Variants in NRP1 observed in about 807,000 individuals in gnomAD.
NRP1 encodes the protein neuropilin 1.
In NRP1, 35 loss-of-function variants were observed where a neutral mutation model predicts 106.7. That is an observed-to-expected ratio of 0.33 (90% CI 0.25 to 0.43). The LOEUF is 0.43. Among genes scored for constraint, NRP1 ranks in the 20% least tolerant of loss-of-function variants. The pLI, the probability that NRP1 is intolerant of heterozygous loss-of-function variation, is 1.00. For missense variants in NRP1, 1,024 were observed against 1,170.4 expected, an observed-to-expected ratio of 0.87 and a Z score of 1.83; for synonymous variants, 437 against 417.9, an observed-to-expected ratio of 1.05 and a Z score of -0.56.
chr10:33,329,637 C>G (rs538353711), intron 2 of NRP1, among the ~76,000 whole-genome samples: 2 of 152,340 alleles, frequency 1.3e-5, no homozygotes, highest in African/African-American at 4.8e-5. Context: ...GAAAACCTCT[C>G]AGTCCCTGAG....
At position 33,207,641 on chromosome 10, in the gene NRP1, T is replaced by A. The variant is rs1445076308; in HGVS notation, c.1690A>T (p.Ile564Phe). The change falls in exon 10 of 17, where the codon ATC becomes TTC. Residue 564 changes from isoleucine to phenylalanine, a missense_variant. Physicochemically the swap from Ile to Phe is conservative, Grantham distance 21. This residue lies in a region of NRP1 where 562 missense variants were observed against 620.3 expected (regional missense o/e 0.91). Coordinates refer to ENST00000374867, the MANE Select transcript of NRP1 (RefSeq NM_003873.7). ...CCATGAGTGGCTCTCTCGGGGTAGA[T>A]CCTGATGAATCGCGTGGAGAGAGCT... ...FPALSTRFIR[I>F]YPERATHGGL... The A allele has an allele frequency of 1.9e-6, 3 of 1,614,008 alleles. No homozygotes were observed. Among genetic ancestry groups the A allele is most frequent in the Admixed American group, 1.7e-5 (1 of 59,996 alleles).
At chr10:33,249,023 G>C (rs1348607540) in intron 6 of NRP1, among the ~76,000 whole-genome samples, 3 of 151,002 alleles carry the variant, frequency 2.0e-5, no homozygotes, top group African/African-American at 7.3e-5. Flanking sequence ...TGGTAATCCT[G>C]GTGCTATTTT....
intron 13 of NRP1, among the ~76,000 whole-genome samples, chr10:33,188,018 C>G (rs1016227941): frequency 1.3e-5 from 2 of 152,140 alleles, no homozygotes; most frequent in African/African-American, 2.4e-5. Context: ...CCCTCTCGCT[C>G]TCTGACCTTG....
chr10:33,195,594 T>C (rs1430372223), intron 12 of NRP1: 1 of 533,168 alleles, frequency 1.9e-6, no homozygotes. Context: ...ACAGTGTGGA[T>C]CAAAGTATCA....
At chr10:33,241,733 A>T (rs76288299) in intron 6 of NRP1, among the ~76,000 whole-genome samples, 1 of 151,496 alleles carries the variant, frequency 6.6e-6, no homozygotes, top group East Asian at 2.0e-4. Context: ...AAAAAAAAAA[A>T]GACATTCCTT....
At chr10:33,302,135 C>T (rs985857735) in intron 2 of NRP1, among the ~76,000 whole-genome samples, 5 of 152,194 alleles carry the variant, frequency 3.3e-5, no homozygotes, top group East Asian at 3.9e-4. Context: ...AATGTAACAA[C>T]GGAAACGCAA....
chr10:33,191,492 A>C (rs1164344318), intron 13 of NRP1, among the ~76,000 whole-genome samples: 1 of 152,206 alleles, frequency 6.6e-6, no homozygotes, highest in Non-Finnish European at 1.5e-5. Flanking sequence ...TAGTTGTAAA[A>C]TAAACGAGGG....
intron 4 of NRP1, among the ~76,000 whole-genome samples, chr10:33,261,926 G>C (rs1320831936): frequency 6.6e-6 from 1 of 152,110 alleles, no homozygotes; most frequent in Non-Finnish European, 1.5e-5. Context: ...CGTAGAGACA[G>C]GGTTTCACTC....
chr10:33,208,911 T>A (rs1222983064), intron 9 of NRP1, among the ~76,000 whole-genome samples: 1 of 140,922 alleles, frequency 7.1e-6, no homozygotes, highest in Admixed American at 7.1e-5. Context: ...TTTTTTTTTT[T>A]TTTTTTTTTT....
intron 6 of NRP1, among the ~76,000 whole-genome samples, chr10:33,230,597 A>ATG (rs10558085): frequency 0.05 from 7,201 of 144,482 alleles, 192 homozygotes; most frequent in Non-Finnish European, 0.065. Context: ...TTTCTCATAT[A>ATG]TGTGTGTGTG....
At chr10:33,192,260 C>A (rs1237205783) in intron 13 of NRP1, 21 bp downstream of exon 13, 1 of 1,603,110 alleles carries the variant, frequency 6.2e-7, no homozygotes, top group Non-Finnish European at 8.5e-7. Flanking sequence ...AGCCATGCAG[C>A]CGAAGTGAAC....
intron 6 of NRP1, among the ~76,000 whole-genome samples, chr10:33,252,680 A>G (rs1200511128): frequency 6.6e-6 from 1 of 151,988 alleles, no homozygotes; most frequent in Non-Finnish European, 1.5e-5. Context: ...AATCATACTG[A>G]ACTGCCTGTT....
chr10:33,194,944 T>A (rs1180216350), intron 12 of NRP1, among the ~76,000 whole-genome samples: 3 of 152,208 alleles, frequency 2.0e-5, no homozygotes, highest in Non-Finnish European at 4.4e-5. Context: ...TTTCAAAATA[T>A]TACCCAAGCC....
intron 10 of NRP1, among the ~76,000 whole-genome samples, chr10:33,203,948 G>A (rs1280840312): frequency 2.3e-5 from 2 of 85,650 alleles, no homozygotes; most frequent in Non-Finnish European, 5.5e-5. Context: ...CACCTTGTTA[G>A]CCAGGATGGT....
intron 2 of NRP1, among the ~76,000 whole-genome samples, chr10:33,299,595 A>G (rs1845656486): frequency 6.6e-6 from 1 of 152,172 alleles, no homozygotes; most frequent in African/African-American, 2.4e-5. Context: ...CCTGGGCAAC[A>G]TAGTGAGACC....
chr10:33,282,183 C>T (rs921911588), intron 2 of NRP1, among the ~76,000 whole-genome samples: 2 of 151,692 alleles, frequency 1.3e-5, no homozygotes, highest in Non-Finnish European at 2.9e-5. Context: ...TGTACCCAAC[C>T]GATTTAATGA....
chr10:33,278,342 G>A (rs1488375396), intron 2 of NRP1, among the ~76,000 whole-genome samples: 3 of 152,046 alleles, frequency 2.0e-5, no homozygotes, highest in African/African-American at 7.2e-5. Context: ...ATAAGCACAA[G>A]TTCCAAATTT....
chr10:33,236,147 G>A (rs1840536325), intron 6 of NRP1, among the ~76,000 whole-genome samples: 1 of 152,236 alleles, frequency 6.6e-6, no homozygotes, highest in Non-Finnish European at 1.5e-5. Context: ...AGGACACGCT[G>A]TCAGAACAGA....
Position 33,192,408 on chromosome 10 carries a change from T to G in NRP1, c.1935A>C (p.Thr645=), listed in dbSNP as rs368913853. 4 of 1,613,766 alleles carry G rather than the reference T, an allele frequency of 2.5e-6. No individual in the cohort carries two copies. The South Asian group carries it at 4.4e-5, about 18-fold the overall frequency. The change falls in exon 13 of 17, where the codon ACA becomes ACC. Residue 645 remains threonine (T), a synonymous_variant. Transcript: ENST00000374867. ...AGCCAAATTCACAGTTAAAACCATATGTTGGAAACTCTTCAGTGGGTGGGA... is the reference window on the plus strand; with the variant it reads ...AGCCAAATTCACAGTTAAAACCATAGGTTGGAAACTCTTCAGTGGGTGGGA... The part of the protein sequence containing the change: ...IDSTIQSEFP[T]YGFNCEFGWG...
Sources: allele counts gnomAD v4.1 joint callset (sites outside exome capture counted in the v4.1 genomes callset), GRCh38; gene constraint gnomAD v4.1.1; regional missense constraint gnomAD v4.1.1; transcripts MANE v1.5; gene names NCBI Gene and HGNC (gene_info 2026-07-23, HGNC 2026-07-21).